EPHB3: variants seen among roughly 807,000 people sequenced by gnomAD.
EPHB3 encodes the protein ephrin type-B receptor 3.
In EPHB3, 33 loss-of-function variants were observed where a neutral mutation model predicts 100.2. The ratio of observed to expected loss-of-function variants is 0.33; its 90% CI spans 0.25 to 0.44. The LOEUF (loss-of-function observed/expected upper bound fraction) is 0.44. Ranked by LOEUF, EPHB3 falls within the 20% of genes least tolerant of loss-of-function variation. The pLI, the probability that EPHB3 is intolerant of heterozygous loss-of-function variation, is 1.00. For synonymous variants in EPHB3, 526 were observed against 554.7 expected (o/e 0.95, Z 0.73); for missense variants, 1,045 against 1,378.3 (o/e 0.76, Z 3.83).
At chr3:184,576,616 A>C (rs999807147) in intron 4 of EPHB3, among the ~76,000 whole-genome samples, 2 of 152,242 alleles carry the variant, frequency 1.3e-5, no homozygotes, top group Admixed American at 6.5e-5. Flanking sequence ...AGTATAGGGC[A>C]AGGACGAATC....
In EPHB3 at chr3:184,578,132, G is replaced by T. The variant is rs948987235; in HGVS notation, c.1748+126G>T. On this transcript the variant is annotated intron_variant, in intron 8 of 15. Transcript: ENST00000330394. This position sits in a 1 kb window ranked among gnomAD's most constrained non-coding sequence, Gnocchi z 4.7. ...GACCCAGGGCCTTAGCCCTCCTGGG[G>T]CCAGCCGTTGCTGGAGAAGCCCTCT... The T allele has an allele frequency of 9.1e-6, 10 of 1,099,010 alleles. No homozygotes were observed. The highest frequency in any genetic ancestry group is 1.3e-5 in the Non-Finnish European group (10 of 780,744). The allele number at this position is 1,099,010 out of a possible 1,614,324, so 68.1% of individuals were successfully genotyped here.
chr3:184,572,757 C>G lies in EPHB3; in HGVS notation c.437C>G (p.Ser146Cys). The G allele has an allele frequency of 2.5e-6, 4 of 1,612,046 alleles. No homozygotes were observed. Among genetic ancestry groups the G allele is most frequent in the Non-Finnish European group, 3.4e-6 (4 of 1,179,350 alleles). ...EADSDVASASSPFWMENPYVK... is the reference protein window; with the variant it reads ...EADSDVASASCPFWMENPYVK... ...GACAGCGATGTGGCCTCAGCCTCCTCCCCCTTCTGGATGGAGAACCCCTAC... is the reference window on the plus strand; with the variant it reads ...GACAGCGATGTGGCCTCAGCCTCCTGCCCCTTCTGGATGGAGAACCCCTAC... Residue 146 changes from serine to cysteine, a missense_variant, in exon 3 of 16, where the codon TCC becomes TGC. Ser to Cys is a moderately radical substitution (Grantham distance 112). Coordinates refer to ENST00000330394, the MANE Select transcript of EPHB3 (RefSeq NM_004443.4). The surrounding 1 kb of genome is among the most constrained non-coding windows in gnomAD (Gnocchi z 6.6).
At position 184,579,659 on chromosome 3, in the gene EPHB3, G is replaced by A. The variant is rs766181357; in HGVS notation, c.1925-28G>A. 3 of 1,611,268 alleles carry A rather than the reference G, an allele frequency of 1.9e-6. No individual in the cohort carries two copies. Among genetic ancestry groups the A allele is most frequent in the South Asian group, 2.2e-5 (2 of 90,940 alleles). On this transcript the variant is annotated intron_variant, in intron 10 of 15. Transcript: ENST00000330394. This position sits in a 1 kb window ranked among gnomAD's most constrained non-coding sequence, Gnocchi z 5.2. ...TGAGGCGGGCTGGGTACAGGAGTGA[G>A]TCATAGCTTGTGCCCTGTGCCCTGC...
chr3:184,570,433 A>G (rs937085267), intron 1 of EPHB3, among the ~76,000 whole-genome samples: 2 of 152,228 alleles, frequency 1.3e-5, no homozygotes, highest in Non-Finnish European at 1.5e-5. Context: ...TCTCTTCTGT[A>G]AAAGGGATAC....
chr3:184,577,055 G>A lies in EPHB3; in HGVS notation c.1226G>A (p.Arg409Gln), dbSNP rs768092104. 26 of 1,613,722 alleles carry A rather than the reference G, an allele frequency of 1.6e-5. No individual in the cohort carries two copies. Among genetic ancestry groups the A allele is most frequent in the Non-Finnish European group, 2.0e-5 (24 of 1,179,960 alleles). ...CGGCAGCTGGGCCTGACGGAGCGCC[G>A]GGTCCACATCAGCCATCTGCTGGCC... ...VPRQLGLTER[R>Q]VHISHLLAHT... is the part of the protein sequence containing the mutation. The change falls in exon 5 of 16, where the codon CGG (arginine) becomes CAG (glutamine). Residue 409 changes from arginine (R) to glutamine (Q), a missense_variant. Arg to Gln is a conservative substitution (Grantham distance 43). Around this residue, in one of 2 missense-constraint regions of EPHB3, gnomAD observed 985 missense variants for 1,331.1 expected, o/e 0.74. Transcript: ENST00000330394. The surrounding 1 kb of genome is among the most constrained non-coding windows in gnomAD (Gnocchi z 4.9).
Position 184,562,249 on chromosome 3 carries a change from G to C in EPHB3, c.14G>C (p.Arg5Pro). The change falls in exon 1 of 16, where the codon CGC becomes CCC. Residue 5 changes from arginine (R) to proline (P), a missense_variant. Around this residue, in one of 2 missense-constraint regions of EPHB3, gnomAD observed 60 missense variants for 47.2 expected, o/e 1.27. Transcript: ENST00000330394. This position sits in a 1 kb window ranked among gnomAD's most constrained non-coding sequence, Gnocchi z 4.8. ...GCTGCCACGGCCATGGCCAGAGCCC[G>C]CCCGCCGCCGCCGCCGTCGCCGCCG... MARA[R>P]PPPPPSPPPG... The C allele has an allele frequency of 9.3e-7, 1 of 1,070,196 alleles. No individual in the cohort carries two copies. Among genetic ancestry groups the C allele is most frequent in the Non-Finnish European group, 1.2e-6 (1 of 857,534 alleles). The allele number at this position is 1,070,196 out of a possible 1,614,324, so 66.3% of individuals were successfully genotyped here. A position where few individuals can be genotyped will look rare whatever the true frequency, so the allele number is the denominator to read the frequency against.
chr3:184,571,357 C>T lies in EPHB3; in HGVS notation c.158C>T (p.Ala53Val), dbSNP rs1237986709. The stretch of plus-strand genomic sequence containing the variant: ...ACAAAATGGGTAACATCTGAGTTGG[C>T]GTGGACATCTCATCCAGAAAGTGGG... ...MDTKWVTSEL[A>V]WTSHPESGWE... The change falls in exon 2 of 16, where the codon GCG (alanine) becomes GTG (valine). Residue 53 changes from alanine (A) to valine (V), a missense_variant. By Grantham distance (64) the Ala-to-Val change is moderately conservative. This residue lies in a region of EPHB3 where 985 missense variants were observed against 1,331.1 expected (regional missense o/e 0.74). Coordinates refer to ENST00000330394, the MANE Select transcript of EPHB3 (RefSeq NM_004443.4). This position sits in a 1 kb window ranked among gnomAD's most constrained non-coding sequence, Gnocchi z 5.0. 3.1e-6 allele frequency: 5 copies of T among 1,613,906 alleles called. No homozygotes were observed. Among genetic ancestry groups the T allele is most frequent in the African/African-American group, 1.3e-5 (1 of 74,918 alleles).
chr3:184,574,683 C>T (rs1340019812), intron 3 of EPHB3, among the ~76,000 whole-genome samples: 4 of 152,192 alleles, frequency 2.6e-5, no homozygotes. Context: ...GGGCCCTCTC[C>T]ACTTCTCGAT....
Position 184,578,612 on chromosome 3 carries a change from C to T in EPHB3, c.1801+146C>T. 9.5e-7 allele frequency: 1 copy of T among 1,052,678 alleles called. No homozygotes were observed. The highest frequency in any genetic ancestry group is 1.4e-6 in the Non-Finnish European group (1 of 720,328). The allele number at this position is 1,052,678 out of a possible 1,614,324, so 65.2% of individuals were successfully genotyped here. A position where few individuals can be genotyped will look rare whatever the true frequency, so the allele number is the denominator to read the frequency against. On this transcript the variant is annotated intron_variant, in intron 9 of 15. Coordinates refer to ENST00000330394, the MANE Select transcript of EPHB3 (RefSeq NM_004443.4). The surrounding 1 kb of genome is among the most constrained non-coding windows in gnomAD (Gnocchi z 4.7). ...TCCAGTCAAGTGGCATTTCCTGACC[C>T]CTATCTCACTCCGGGTACCCTGGGC...
Position 184,581,369 on chromosome 3 carries a change from G to A in EPHB3, c.2849G>A (p.Gly950Glu), listed in dbSNP as rs1308996395. ...TACAAGGAGAGCTTCGTCAGTGCGGGGTTTGCATCTTTTGACCTGGTGGCC... is the reference window on the plus strand; with the variant it reads ...TACAAGGAGAGCTTCGTCAGTGCGGAGTTTGCATCTTTTGACCTGGTGGCC... ...GRYKESFVSA[G>E]FASFDLVAQM... Residue 950 changes from glycine to glutamate, a missense_variant, in exon 15 of 16, where the codon GGG (glycine) becomes GAG (glutamate). This residue lies in a region of EPHB3 where 985 missense variants were observed against 1,331.1 expected (regional missense o/e 0.74). Coordinates refer to ENST00000330394, the MANE Select transcript of EPHB3 (RefSeq NM_004443.4). 2 of 1,602,946 alleles carry A rather than the reference G, an allele frequency of 1.2e-6. No homozygotes were observed. Among genetic ancestry groups the A allele is most frequent in the Non-Finnish European group, 1.7e-6 (2 of 1,174,510 alleles).
At position 184,572,701 on chromosome 3, in the gene EPHB3, G is replaced by A; in HGVS notation, c.381G>A (p.Lys127=). Residue 127 remains lysine (K), a synonymous_variant, in exon 3 of 16, where the codon AAG becomes AAA. Transcript: ENST00000330394. The surrounding 1 kb of genome is among the most constrained non-coding windows in gnomAD (Gnocchi z 6.6). ...TCCCCAACATCCCCGGCTCCTGCAA[G>A]GAGACCTTCAACCTCTTCTACTACG... ...NSIPNIPGSC[K]ETFNLFYYEA... 6.2e-7 allele frequency: 1 copy of A among 1,611,774 alleles called. No individual in the cohort carries two copies. The highest frequency in any genetic ancestry group is 1.1e-5 in the South Asian group (1 of 90,776).
chr3:184,571,459 A>G lies in EPHB3; in HGVS notation c.183+77A>G. ...CCACTTCCAGCCTCCGTGCCCCCTC[A>G]TCTCACCAGGGCCTGGAGGAGGGCT... On this transcript the variant is annotated intron_variant, in intron 2 of 15. Coordinates refer to ENST00000330394, the MANE Select transcript of EPHB3 (RefSeq NM_004443.4). The surrounding 1 kb of genome is among the most constrained non-coding windows in gnomAD (Gnocchi z 5.0). 1 of 1,509,016 alleles carries G rather than the reference A, an allele frequency of 6.6e-7. No individual in the cohort carries two copies. Among genetic ancestry groups the G allele is most frequent in the East Asian group, 2.3e-5 (1 of 43,948 alleles). The allele number at this position is 1,509,016 out of a possible 1,614,324, so 93.5% of individuals were successfully genotyped here.
Position 184,579,967 on chromosome 3 carries a change from C to G in EPHB3, c.2172+33C>G. On this transcript the variant is annotated intron_variant, in intron 11 of 15. Transcript: ENST00000330394. This position sits in a 1 kb window ranked among gnomAD's most constrained non-coding sequence, Gnocchi z 5.2. ...CCAGCCCCCAGGCCCTCTCCCTCCC[C>G]CAGAGAGTTGGATTGGGCTCACCAT... The G allele has an allele frequency of 1.3e-6, 2 of 1,598,936 alleles. No individual in the cohort carries two copies. The highest frequency in any genetic ancestry group is 1.7e-6 in the Non-Finnish European group (2 of 1,173,016).
Position 184,572,467 on chromosome 3 carries a change from G to A in EPHB3, c.184-37G>A. 1 of 1,526,276 alleles carries A rather than the reference G, an allele frequency of 6.6e-7. No homozygotes were observed. Among genetic ancestry groups the A allele is most frequent in the Non-Finnish European group, 8.7e-7 (1 of 1,144,832 alleles). The allele number at this position is 1,526,276 out of a possible 1,614,324, so 94.5% of individuals were successfully genotyped here. A position where few individuals can be genotyped will look rare whatever the true frequency, so the allele number is the denominator to read the frequency against. On this transcript the variant is annotated intron_variant, in intron 2 of 15. Coordinates refer to ENST00000330394, the MANE Select transcript of EPHB3 (RefSeq NM_004443.4). The surrounding 1 kb of genome is among the most constrained non-coding windows in gnomAD (Gnocchi z 6.6). ...ACGAGGGAAGCACTTGGCAAATGCA[G>A]GCATTCACTCTGTCTTTTTCATTGG...
Position 184,579,105 on chromosome 3 carries a change from T to A in EPHB3, c.1802-372T>A, listed in dbSNP as rs531000656. On this transcript the variant is annotated intron_variant, in intron 9 of 15. Coordinates refer to ENST00000330394, the MANE Select transcript of EPHB3 (RefSeq NM_004443.4). This position sits in a 1 kb window ranked among gnomAD's most constrained non-coding sequence, Gnocchi z 5.2. ...GCTGGGGAGTAATACAATGAAAGGA[T>A]TGTTTTAGGAAGACAGCGGTATGCA... Among the ~76,000 whole-genome samples the A allele has an allele frequency of 6.6e-6, 1 of 151,838 alleles. No homozygotes were observed. Among genetic ancestry groups the A allele is most frequent in the African/African-American group, 2.4e-5 (1 of 41,306 alleles).
rs776669122 is a variant in EPHB3 at position 184,572,569 on chromosome 3, G to C, written c.249G>C (p.Val83=). ...NPIRTYQVCN[V]RESSQNNWLR... is the part of the protein sequence containing the mutation. ...TCCGCACATACCAGGTGTGTAATGTGCGCGAGTCAAGCCAGAACAACTGGC... is the reference window on the plus strand; with the variant it reads ...TCCGCACATACCAGGTGTGTAATGTCCGCGAGTCAAGCCAGAACAACTGGC... Residue 83 remains valine, a synonymous_variant, in exon 3 of 16, where the codon GTG becomes GTC. Transcript: ENST00000330394. The surrounding 1 kb of genome is among the most constrained non-coding windows in gnomAD (Gnocchi z 6.6). 5 of 1,548,580 alleles carry C rather than the reference G, an allele frequency of 3.2e-6. No homozygotes were observed. In the African/African-American group the frequency reaches 6.9e-5, roughly 21 times the overall value.
chr3:184,571,501 T>C lies in EPHB3; in HGVS notation c.183+119T>C, dbSNP rs1714539970. ...AGGAGGGCTGCCTCTGCCCTCTGCC[T>C]GTCACCCTCACTTCCTGTGCCATCC... On this transcript the variant is annotated intron_variant, in intron 2 of 15. Transcript: ENST00000330394. The surrounding 1 kb of genome is among the most constrained non-coding windows in gnomAD (Gnocchi z 5.0). The C allele has an allele frequency of 9.9e-7, 1 of 1,013,730 alleles. No homozygotes were observed. The allele number at this position is 1,013,730 out of a possible 1,614,324, so 62.8% of individuals were successfully genotyped here.
rs908272299 is a variant in EPHB3, at chr3:184,578,138, C to G, written c.1748+132C>G. ...GGGCCTTAGCCCTCCTGGGGCCAGC[C>G]GTTGCTGGAGAAGCCCTCTCCCATC... On this transcript the variant is annotated intron_variant, in intron 8 of 15. Coordinates refer to ENST00000330394, the MANE Select transcript of EPHB3 (RefSeq NM_004443.4). The surrounding 1 kb of genome is among the most constrained non-coding windows in gnomAD (Gnocchi z 4.7). 2.9e-6 allele frequency: 3 copies of G among 1,037,894 alleles called. No individual in the cohort carries two copies. The highest frequency in any genetic ancestry group is 2.7e-6 in the Non-Finnish European group (2 of 727,962). The allele number at this position is 1,037,894 out of a possible 1,614,324, so 64.3% of individuals were successfully genotyped here. A position where few individuals can be genotyped will look rare whatever the true frequency, so the allele number is the denominator to read the frequency against.
In EPHB3 at chr3:184,569,919, G is replaced by A. The variant is rs922168557; in HGVS notation, c.119-1399G>A. 6.6e-6 allele frequency among the ~76,000 whole-genome samples: 1 copy of A among 152,236 alleles called. No individual in the cohort carries two copies. Among genetic ancestry groups the A allele is most frequent in the South Asian group, 2.1e-4 (1 of 4,830 alleles). ...TCAGAGCTGGCTGCACTGTCTTCCA[G>A]GCCACGGGAAAGGAGTTGGCACCTC... On this transcript the variant is annotated intron_variant, in intron 1 of 15. Transcript: ENST00000330394. This position sits in a 1 kb window ranked among gnomAD's most constrained non-coding sequence, Gnocchi z 5.4.
Sources: allele counts gnomAD v4.1 joint callset (sites outside exome capture counted in the v4.1 genomes callset), GRCh38; gene constraint gnomAD v4.1.1; regional missense constraint gnomAD v4.1.1; non-coding constraint Gnocchi (gnomAD v3.1); transcripts MANE v1.5; gene names NCBI Gene and HGNC (gene_info 2026-07-23, HGNC 2026-07-21).